SLC30A6: variants seen among roughly 807,000 people sequenced by gnomAD.
The protein encoded by SLC30A6 is solute carrier family 30 member 6.
SLC30A6 carries 55 observed loss-of-function variants against 63.0 expected under a neutral mutation model. The ratio of observed to expected loss-of-function variants is 0.87; its 90% confidence interval spans 0.70 to 1.09. SLC30A6 has a LOEUF of 1.09. SLC30A6 is among the 50% of genes least tolerant of loss of function. The probability of loss-of-function intolerance (pLI) is 0.00; values close to 1 mark genes in which losing one functional copy is unlikely to be tolerated. For missense variants in SLC30A6, 587 were observed against 549.2 expected, an observed-to-expected ratio of 1.07 and a Z score of -0.69; for synonymous variants, 224 against 186.1, an observed-to-expected ratio of 1.20 and a Z score of -1.66.
chr2:32,204,555 T>C (rs763481074), intron 10 of SLC30A6, 35 bp from the exon 11 acceptor site: 4 of 1,461,530 alleles, frequency 2.7e-6, no homozygotes, highest in Middle Eastern at 1.7e-4. Flanking sequence ...CAGTGAGATA[T>C]AAATTTAAAA....
At chr2:32,197,287 T>G (rs1683876138) in intron 8 of SLC30A6, 57 bp from the exon 9 acceptor site, 1 of 1,457,854 alleles carries the variant, frequency 6.9e-7, no homozygotes. Context: ...CTCAAATATT[T>G]CAGGTAGTGG....
chr2:32,177,864 A>C (rs571326452), intron 4 of SLC30A6, among the ~76,000 whole-genome samples: 1 of 150,782 alleles, frequency 6.6e-6, no homozygotes, highest in Admixed American at 6.6e-5. Context: ...CCCAAACTCA[A>C]GTCATCTGCC....
intron 13 of SLC30A6, among the ~76,000 whole-genome samples, chr2:32,216,534 A>AAAATAAATAAATAAAT (rs199888607): frequency 6.8e-5 from 9 of 133,082 alleles, no homozygotes; most frequent in East Asian, 2.2e-4. Context: ...AGACTCTCTC[A>AAAATAAATAAATAAAT]AAATAAATAA....
intron 10 of SLC30A6, chr2:32,202,961 G>A: frequency 8.8e-7 from 1 of 1,137,688 alleles, no homozygotes; most frequent in Non-Finnish European, 1.3e-6. Flanking sequence ...TCTACAGTGG[G>A]TCTGAAGGGA....
chr2:32,167,382 CTTTT>C (rs11293465), intron 1 of SLC30A6, among the ~76,000 whole-genome samples: 6 of 132,496 alleles, frequency 4.5e-5, no homozygotes, highest in East Asian at 2.2e-4. Context: ...GCCACAAACT[CTTTT>C]TTTTTTTTTT....
intron 9 of SLC30A6, 128 bp downstream of exon 9, chr2:32,197,520 C>T (rs1209783972): frequency 2.5e-6 from 3 of 1,224,102 alleles, no homozygotes; most frequent in South Asian, 1.3e-5. Flanking sequence ...GATTGTTATT[C>T]TCCCTTTACT....
chr2:32,197,490 T>A, intron 9 of SLC30A6, 98 bp downstream of exon 9: 1 of 1,303,316 alleles, frequency 7.7e-7, no homozygotes, highest in Non-Finnish European at 1.1e-6. Context: ...CTGAGGTTAC[T>A]ACGTGAATCA....
intron 7 of SLC30A6, 54 bp downstream of exon 7, chr2:32,193,007 A>G: frequency 1.7e-6 from 2 of 1,144,956 alleles, no homozygotes; most frequent in South Asian, 1.5e-5. Context: ...TTATTAATTG[A>G]TGTATTATTA....
Position 32,171,370 on chromosome 2 carries a change from A to G in SLC30A6, c.87A>G (p.Arg29=). Residue 29 remains arginine, a synonymous_variant, in exon 2 of 14, where the codon CGA becomes CGG. Transcript: ENST00000282587. ...LREFRLVAAD[R]RSWKILLFGV... Reference sequence around the variant, plus strand: ...AATTTAGACTTGTAGCAGCTGACCGAAGGGTAAGTTATTCCTTAACCCCAA... The same window carrying G: ...AATTTAGACTTGTAGCAGCTGACCGGAGGGTAAGTTATTCCTTAACCCCAA... The G allele has an allele frequency of 6.2e-7, 1 of 1,612,898 alleles. No individual in the cohort carries two copies. Among genetic ancestry groups the G allele is most frequent in the Non-Finnish European group, 8.5e-7 (1 of 1,179,036 alleles).
Position 32,203,977 on chromosome 2 carries a change from G to A in SLC30A6, c.666-613G>A, listed in dbSNP as rs540405953. 37 of 742,726 alleles carry A rather than the reference G, an allele frequency of 5.0e-5. 1 individual carries two copies. The Admixed American group carries it at 8.3e-4, about 17-fold the overall frequency. 46.0% of individuals were successfully genotyped at this position (742,726 alleles called of 1,614,324 possible). On this transcript the variant is annotated intron_variant, in intron 10 of 13. Coordinates refer to ENST00000282587, the MANE Select transcript of SLC30A6 (RefSeq NM_017964.5). ...AGGGAATAGAAATCGATCAAGAAGT[G>A]GGAGCCACAAACGGAGTTTTGACTA...
At chr2:32,167,298 C>A (rs920405311) in intron 1 of SLC30A6, among the ~76,000 whole-genome samples, 1 of 151,810 alleles carries the variant, frequency 6.6e-6, no homozygotes, top group Non-Finnish European at 1.5e-5. Flanking sequence ...TGATCGCGAA[C>A]TCCTGACCTC....
chr2:32,214,469 G>A (rs777922629), intron 13 of SLC30A6: 2 of 151,520 alleles, frequency 1.3e-5, no homozygotes, highest in Non-Finnish European at 1.5e-5. Flanking sequence ...AATATGGAAC[G>A]CTTCATGAAT....
intron 8 of SLC30A6, among the ~76,000 whole-genome samples, chr2:32,196,294 G>T (rs1453892386): frequency 6.6e-6 from 1 of 151,518 alleles, no homozygotes; most frequent in Non-Finnish European, 1.5e-5. Context: ...CTGCCTGGGT[G>T]ACAAAAGTGA....
chr2:32,178,812 T>G (rs1682026212), intron 4 of SLC30A6, among the ~76,000 whole-genome samples: 2 of 152,352 alleles, frequency 1.3e-5, no homozygotes, highest in South Asian at 4.1e-4. Flanking sequence ...ACTGCAGCTC[T>G]GTAGTAAGTT....
chr2:32,194,005 A>C, intron 8 of SLC30A6, 22 bp downstream of exon 8: 7 of 1,573,100 alleles, frequency 4.4e-6, no homozygotes, highest in Non-Finnish European at 6.1e-6. Context: ...ATTTACTATT[A>C]ATTTAAAAAT....
At chr2:32,211,720 C>T (rs1573413896) in intron 13 of SLC30A6, among the ~76,000 whole-genome samples, 1 of 152,030 alleles carries the variant, frequency 6.6e-6, no homozygotes, top group Admixed American at 6.6e-5. Flanking sequence ...AGGGTTCAAG[C>T]GATTCTCCTG....
At chr2:32,197,493 G>T (rs573882002) in intron 9 of SLC30A6, 101 bp downstream of exon 9, 1 of 1,298,680 alleles carries the variant, frequency 7.7e-7, no homozygotes, top group Admixed American at 1.8e-5. Context: ...AGGTTACTAC[G>T]TGAATCACAC....
rs146872175 is a variant in SLC30A6 at position 32,220,302 on chromosome 2, T to C, written c.975T>C (p.Ser325=). The C allele has an allele frequency of 1.7e-5, 28 of 1,614,232 alleles. No homozygotes were observed. The African/African-American group carries it at 3.3e-4, about 19-fold the overall frequency. ...CCAACAGGCTGTACACTCTAGTGTCTACTCTAACTGTTCAAATTTTCAAGG... is the reference window on the plus strand; with the variant it reads ...CCAACAGGCTGTACACTCTAGTGTCCACTCTAACTGTTCAAATTTTCAAGG... ...HVTNRLYTLV[S]TLTVQIFKDD... The change falls in exon 14 of 14, where the codon TCT becomes TCC. Residue 325 remains serine, a synonymous_variant. Coordinates refer to ENST00000282587, the MANE Select transcript of SLC30A6 (RefSeq NM_017964.5).
At chr2:32,217,362 A>G (rs770214072) in intron 13 of SLC30A6, among the ~76,000 whole-genome samples, 2 of 152,194 alleles carry the variant, frequency 1.3e-5, no homozygotes, top group Non-Finnish European at 2.9e-5. Flanking sequence ...GACTTTGTCA[A>G]AGATCAGATG....
Sources: allele counts gnomAD v4.1 joint callset (sites outside exome capture counted in the v4.1 genomes callset), GRCh38; gene constraint gnomAD v4.1.1; transcripts MANE v1.5; gene names NCBI Gene and HGNC (gene_info 2026-07-23, HGNC 2026-07-21).